Variants in FUT8 observed in about 807,000 individuals in gnomAD.
FUT8 encodes the protein fucosyltransferase 8.
In FUT8, 29 loss-of-function variants were observed where a neutral mutation model predicts 71.3. That is an observed-to-expected ratio of 0.41 (90% confidence interval 0.30 to 0.55). The LOEUF (loss-of-function observed/expected upper bound fraction) is 0.55. Among genes scored for constraint, FUT8 ranks in the 20% least tolerant of loss-of-function variants. The probability of loss-of-function intolerance (pLI) is 0.34; values close to 1 mark genes in which losing one functional copy is unlikely to be tolerated. For synonymous variants in FUT8, 254 were observed against 239.3 expected, an observed-to-expected ratio of 1.06 and a Z score of -0.57; for missense variants, 544 against 702.1, an observed-to-expected ratio of 0.77 and a Z score of 2.55.
chr14:65,518,391 C>T (rs1376311453), intron 2 of FUT8, among the ~76,000 whole-genome samples: 1 of 152,104 alleles, frequency 6.6e-6, no homozygotes, highest in Non-Finnish European at 1.5e-5. Flanking sequence ...GGTAAAGACT[C>T]ATTACTTTGT....
intron 7 of FUT8, among the ~76,000 whole-genome samples, chr14:65,713,045 C>T (rs1458543748): frequency 6.6e-6 from 1 of 152,150 alleles, no homozygotes; most frequent in African/African-American, 2.4e-5. Context: ...CTCCCTTACC[C>T]CCCACCTCCC....
chr14:65,437,842 GT>G (rs982832601), intron 1 of FUT8, among the ~76,000 whole-genome samples: 2 of 152,158 alleles, frequency 1.3e-5, no homozygotes, highest in African/African-American at 4.8e-5. Flanking sequence ...AAGAAGAGGA[GT>G]TTAGCCTGAG....
chr14:65,560,701 G>A (rs1439777627), intron 2 of FUT8, among the ~76,000 whole-genome samples: 1 of 152,170 alleles, frequency 6.6e-6, no homozygotes, highest in Non-Finnish European at 1.5e-5. Flanking sequence ...TTATAAATTT[G>A]AGGAAGCAGT....
chr14:65,691,096 G>T (rs1893560382), intron 7 of FUT8, among the ~76,000 whole-genome samples: 1 of 151,194 alleles, frequency 6.6e-6, no homozygotes, highest in Non-Finnish European at 1.5e-5. Flanking sequence ...TCCAGCAGGG[G>T]TTTTTTGCTG....
chr14:65,529,941 T>C (rs1235596818), intron 2 of FUT8, among the ~76,000 whole-genome samples: 1 of 152,192 alleles, frequency 6.6e-6, no homozygotes, highest in Non-Finnish European at 1.5e-5. Flanking sequence ...AAATGATTCC[T>C]GGCCCTTTGT....
In FUT8 at chr14:65,652,093, G is replaced by C. The variant is rs1891437524; in HGVS notation, c.598-17150G>C. ...CTGGCAACCACCAGAAGCCGGGAGA[G>C]AGACATGGAACAACTTCTTCCTTAG... On this transcript the variant is annotated intron_variant, in intron 6 of 10. Transcript: ENST00000673929. The surrounding 1 kb of genome is among the most constrained non-coding windows in gnomAD (Gnocchi z 4.0). Among the ~76,000 whole-genome samples the C allele has an allele frequency of 6.6e-6, 1 of 152,166 alleles. No individual in the cohort carries two copies.
At chr14:65,429,773 G>A (rs1356069442) in intron 1 of FUT8, among the ~76,000 whole-genome samples, 2 of 149,982 alleles carry the variant, frequency 1.3e-5, no homozygotes, top group Non-Finnish European at 3.0e-5. Flanking sequence ...TGAGTTGGGA[G>A]GATCACTTGA....
intron 7 of FUT8, among the ~76,000 whole-genome samples, chr14:65,680,776 A>C (rs542046608): frequency 3.3e-5 from 5 of 152,330 alleles, no homozygotes; most frequent in Admixed American, 1.3e-4. Context: ...TGCCATCAGA[A>C]TGATATTTTC....
In FUT8 at chr14:65,643,664, ATAC is replaced by A. The variant is rs1453486676; in HGVS notation, c.597+14059_597+14061del. 9.2e-4 allele frequency among the ~76,000 whole-genome samples: 76 copies of A among 82,430 alleles called. 1 individual carries two copies. In the South Asian group the frequency reaches 0.011, roughly 12 times the overall value. The allele number at this position is 82,430 out of a possible 152,430, so 54.1% of individuals were successfully genotyped here. ...GCGAGACTCCGTCTTTAAAAAAAAA[ATAC>A]ACACACACACACACACACACACACA... On this transcript the variant is annotated intron_variant, in intron 6 of 10. Transcript: ENST00000673929. The surrounding 1 kb of genome is among the most constrained non-coding windows in gnomAD (Gnocchi z 4.5).
At chr14:65,741,035 T>C (rs12435971) in intron 10 of FUT8, among the ~76,000 whole-genome samples, 15,415 of 152,028 alleles carry the variant, frequency 0.1, 994 homozygotes, top group African/African-American at 0.17. Flanking sequence ...AAGATTACCA[T>C]AACTGGAGAT....
intron 1 of FUT8, among the ~76,000 whole-genome samples, chr14:65,415,389 A>G (rs2065204050): frequency 6.6e-6 from 1 of 152,212 alleles, no homozygotes; most frequent in Non-Finnish European, 1.5e-5. Context: ...CATGCGCTGC[A>G]ATAATGGAAA....
At chr14:65,509,410 T>C (rs1392383370) in intron 2 of FUT8, among the ~76,000 whole-genome samples, 1 of 152,154 alleles carries the variant, frequency 6.6e-6, no homozygotes, top group African/African-American at 2.4e-5. Flanking sequence ...CTGAGTCTTT[T>C]GTGGTTCCCT....
At chr14:65,739,103 T>C (rs1037212554) in intron 10 of FUT8, among the ~76,000 whole-genome samples, 1 of 152,198 alleles carries the variant, frequency 6.6e-6, no homozygotes, top group Admixed American at 6.5e-5. Context: ...ATCTGTAAAA[T>C]ATGAATAATA....
At chr14:65,614,655 C>T (rs1445457497) in intron 3 of FUT8, among the ~76,000 whole-genome samples, 2 of 152,100 alleles carry the variant, frequency 1.3e-5, no homozygotes, top group Non-Finnish European at 2.9e-5. Context: ...TTGCTTCTTC[C>T]ATCTTCAAAG....
intron 5 of FUT8, among the ~76,000 whole-genome samples, chr14:65,623,106 G>T (rs1889713960): frequency 1.3e-5 from 2 of 151,938 alleles, no homozygotes; most frequent in South Asian, 4.2e-4. Context: ...GCCCAACTCG[G>T]TCTTGAACTC....
At chr14:65,366,280 G>C in the FUT8 span, among the ~76,000 whole-genome samples, 1 of 152,334 alleles carries the variant, frequency 6.6e-6, no homozygotes, top group East Asian at 1.9e-4. Context: ...ATGTTGTGCA[G>C]AGTGAATGAG....
At chr14:65,684,717 TCGTA>T (rs1555383944) in intron 7 of FUT8, among the ~76,000 whole-genome samples, 1 of 152,144 alleles carries the variant, frequency 6.6e-6, no homozygotes, top group Non-Finnish European at 1.5e-5. Flanking sequence ...CTCACACACT[TCGTA>T]AGCATCTGGC....
At chr14:65,723,580 G>A (rs765453706) in intron 8 of FUT8, among the ~76,000 whole-genome samples, 3 of 152,268 alleles carry the variant, frequency 2.0e-5, no homozygotes, top group East Asian at 1.9e-4. Flanking sequence ...AGTAAAAACC[G>A]TTAAAAGGTT....
At chr14:65,442,842 A>G (rs1256107956) in intron 1 of FUT8, among the ~76,000 whole-genome samples, 1 of 148,950 alleles carries the variant, frequency 6.7e-6, no homozygotes. Flanking sequence ...AAAAAAAATT[A>G]AGAATACAGT....
Sources: gnomAD v4.1 joint callset for allele counts (sites outside exome capture counted in the v4.1 genomes callset) on GRCh38, gnomAD v4.1.1 for gene constraint, Gnocchi (gnomAD v3.1) non-coding constraint, MANE v1.5 for transcripts, NCBI Gene and HGNC (gene_info 2026-07-23, HGNC 2026-07-21) for gene names.